The following TCERG1L variants were observed in gnomAD, a reference collection of about 807,000 sequenced individuals.
TCERG1L encodes transcription elongation regulator 1 like.
Under a neutral mutation model 56.3 loss-of-function variants are expected in TCERG1L, and 37 were observed. That is an observed-to-expected ratio of 0.66 (90% CI 0.51 to 0.87). TCERG1L has a LOEUF of 0.87. Ranked by LOEUF, TCERG1L falls within the 40% of genes least tolerant of loss-of-function variation. The probability of loss-of-function intolerance (pLI) is 0.00; values close to 1 mark genes in which losing one functional copy is unlikely to be tolerated. For missense variants in TCERG1L, 799 were observed against 774.2 expected (o/e 1.03, Z -0.38); for synonymous variants, 324 against 326.3 (o/e 0.99, Z 0.08).
chr10:131,271,576 G>A (rs1054982459), intron 3 of TCERG1L, among the ~76,000 whole-genome samples: 2 of 152,246 alleles, frequency 1.3e-5, no homozygotes, highest in African/African-American at 4.8e-5. Flanking sequence ...CCTGAGGCTT[G>A]GAAGACTTGT....
intron 10 of TCERG1L, 63 bp downstream of exon 10, chr10:131,104,202 C>G (rs1845328780): frequency 1.7e-6 from 2 of 1,188,102 alleles, no homozygotes; most frequent in Non-Finnish European, 2.4e-6. Context: ...TCCCCAGATC[C>G]AGGATGCAAC....
intron 3 of TCERG1L, among the ~76,000 whole-genome samples, chr10:131,299,521 C>T (rs4751360): frequency 0.42 from 63,901 of 151,520 alleles, 14,399 homozygotes; most frequent in East Asian, 0.59. Context: ...ATATATCTTT[C>T]GAAGATAAAG....
intron 8 of TCERG1L, among the ~76,000 whole-genome samples, chr10:131,122,809 G>A (rs1301281160): frequency 2.6e-5 from 4 of 152,212 alleles, no homozygotes; most frequent in Admixed American, 6.5e-5. Flanking sequence ...GTCTGAGGTA[G>A]GGGTGGCCTT....
intron 4 of TCERG1L, among the ~76,000 whole-genome samples, chr10:131,177,890 C>T (rs939608598): frequency 1.3e-5 from 2 of 150,684 alleles, no homozygotes; most frequent in African/African-American, 4.9e-5. Flanking sequence ...GCATGACGCT[C>T]GCACTGCACA....
intron 3 of TCERG1L, among the ~76,000 whole-genome samples, chr10:131,287,162 TTAGAA>T (rs1846554663): frequency 6.6e-6 from 1 of 152,166 alleles, no homozygotes; most frequent in Non-Finnish European, 1.5e-5. Flanking sequence ...GAATGTTACT[TTAGAA>T]TAGGTATCAG....
chr10:131,302,435 T>G (rs181117740), intron 3 of TCERG1L, among the ~76,000 whole-genome samples: 1 of 151,912 alleles, frequency 6.6e-6, no homozygotes, highest in African/African-American at 2.4e-5. Flanking sequence ...CCAACCTGAC[T>G]CTGGTATAAT....
intron 8 of TCERG1L, among the ~76,000 whole-genome samples, chr10:131,125,390 T>C (rs946273292): frequency 6.6e-6 from 1 of 152,214 alleles, no homozygotes; most frequent in Admixed American, 6.5e-5. Flanking sequence ...CAAAGAGGGC[T>C]GGGAATTTAT....
intron 4 of TCERG1L, among the ~76,000 whole-genome samples, chr10:131,203,602 G>A (rs1408643707): frequency 6.6e-6 from 1 of 152,224 alleles, no homozygotes; most frequent in African/African-American, 2.4e-5. Flanking sequence ...GAGGATGAAT[G>A]TGGGTCACCG....
intron 7 of TCERG1L, among the ~76,000 whole-genome samples, chr10:131,142,442 G>A (rs1457606907): frequency 7.2e-5 from 11 of 152,202 alleles, no homozygotes; most frequent in Admixed American, 6.5e-4. Flanking sequence ...TTTACTCACC[G>A]GACAATTTTA....
At chr10:131,181,712 G>A (rs1414353085) in intron 4 of TCERG1L, among the ~76,000 whole-genome samples, 1 of 152,252 alleles carries the variant, frequency 6.6e-6, no homozygotes, top group African/African-American at 2.4e-5. Context: ...GGAGCAGGGA[G>A]AGGCTCTCCG....
intron 4 of TCERG1L, among the ~76,000 whole-genome samples, chr10:131,257,049 GAAAGA>G (rs1564827265): frequency 5.0e-5 from 7 of 140,392 alleles, no homozygotes; most frequent in African/African-American, 1.6e-4. Flanking sequence ...AAGAAAGAAA[GAAAGA>G]AAAGAAAGAA....
At chr10:131,265,012 C>A (rs987401009) in intron 3 of TCERG1L, among the ~76,000 whole-genome samples, 4 of 152,122 alleles carry the variant, frequency 2.6e-5, no homozygotes, top group Non-Finnish European at 5.9e-5. Flanking sequence ...CCCAGCCGAG[C>A]CCTTAATTAA....
intron 7 of TCERG1L, among the ~76,000 whole-genome samples, 169 bp from the exon 8 acceptor site, chr10:131,134,617 T>C (rs192768172): frequency 1.1e-3 from 162 of 152,370 alleles, no homozygotes; most frequent in African/African-American, 3.8e-3. Context: ...CACATGCTTT[T>C]ACATTTCAGC....
intron 7 of TCERG1L, among the ~76,000 whole-genome samples, chr10:131,146,006 A>G (rs955740403): frequency 6.6e-6 from 1 of 152,202 alleles, no homozygotes; most frequent in Non-Finnish European, 1.5e-5. Context: ...CAAGCACCCC[A>G]TTCCTCTGCA....
chr10:131,215,758 A>T (rs566050231), intron 4 of TCERG1L, among the ~76,000 whole-genome samples: 1 of 152,234 alleles, frequency 6.6e-6, no homozygotes, highest in Non-Finnish European at 1.5e-5. Context: ...GTTGCGGCCA[A>T]GAGTCTACCC....
chr10:131,093,438 G>T, intron 11 of TCERG1L, 120 bp from the exon 12 acceptor site: 1 of 1,250,378 alleles, frequency 8.0e-7, no homozygotes, highest in Non-Finnish European at 1.1e-6. Flanking sequence ...GGCCGTGGGT[G>T]GCAGGGCACC....
intron 10 of TCERG1L, among the ~76,000 whole-genome samples, chr10:131,098,743 G>A (rs1433047100): frequency 6.6e-6 from 1 of 152,206 alleles, no homozygotes; most frequent in Non-Finnish European, 1.5e-5. Context: ...CTGGAACCAA[G>A]TGGCGGTTTG....
chr10:131,144,911 C>T (rs947284071), intron 7 of TCERG1L, among the ~76,000 whole-genome samples: 4 of 152,192 alleles, frequency 2.6e-5, no homozygotes, highest in African/African-American at 4.8e-5. Flanking sequence ...GCCCTGAGAC[C>T]GCAGGTGGCC....
At chr10:131,268,465 A>G (rs1025443976) in intron 3 of TCERG1L, among the ~76,000 whole-genome samples, 5 of 152,158 alleles carry the variant, frequency 3.3e-5, no homozygotes, top group Admixed American at 6.5e-5. Flanking sequence ...TTCAACTTAA[A>G]GTCACAAGCT....
Sources: gnomAD v4.1 joint callset for allele counts (sites outside exome capture counted in the v4.1 genomes callset) on GRCh38, gnomAD v4.1.1 for gene constraint, MANE v1.5 for transcripts, NCBI Gene and HGNC (gene_info 2026-07-23, HGNC 2026-07-21) for gene names.